LY6S: variants seen among roughly 807,000 people sequenced by gnomAD.
LY6S encodes the protein lymphocyte antigen 6 family member S.
the LY6S span, chr8:143,049,323 T>A: frequency 1.9e-6 from 1 of 533,668 alleles, no homozygotes; most frequent in Non-Finnish European, 3.9e-6. Flanking sequence ...AAAAGACATC[T>A]TTTGTTACAC....
At chr8:143,063,478 T>G in the LY6S span, among the ~76,000 whole-genome samples, 1 of 152,208 alleles carries the variant, frequency 6.6e-6, no homozygotes, top group Admixed American at 6.5e-5. Flanking sequence ...CTGCCTCCTG[T>G]GCAGAGGTTC....
the LY6S span, among the ~76,000 whole-genome samples, chr8:143,050,010 A>G: frequency 6.6e-6 from 1 of 152,144 alleles, no homozygotes; most frequent in Non-Finnish European, 1.5e-5. Flanking sequence ...TGTGGGAGAA[A>G]CACCTCGTCC....
At chr8:143,043,792 C>T in the LY6S span, among the ~76,000 whole-genome samples, 1 of 152,248 alleles carries the variant, frequency 6.6e-6, no homozygotes, top group Non-Finnish European at 1.5e-5. Context: ...TCTCCTGCCT[C>T]AGCCTCCCCA....
chr8:143,068,485 A>T, the LY6S span, among the ~76,000 whole-genome samples: 8 of 152,180 alleles, frequency 5.3e-5, 1 homozygote, highest in South Asian at 1.7e-3. Flanking sequence ...TTCTGCTATG[A>T]TTGGAAACTT....
chr8:143,053,457 G>C, the LY6S span: 1 of 152,154 alleles, frequency 6.6e-6, no homozygotes, highest in Non-Finnish European at 1.5e-5. Flanking sequence ...GGCTTTCCAT[G>C]ACTACCAAAC....
chr8:143,070,433 T>TATACATATATATA, the LY6S span, among the ~76,000 whole-genome samples: 1 of 94,882 alleles, frequency 1.1e-5, no homozygotes, highest in African/African-American at 6.5e-5. Flanking sequence ...TATATATATA[T>TATACATATATATA]TATATATATA....
At chr8:143,043,700 A>T in the LY6S span, among the ~76,000 whole-genome samples, 1 of 148,716 alleles carries the variant, frequency 6.7e-6, no homozygotes, top group Non-Finnish European at 1.5e-5. Context: ...TTTGAGATGG[A>T]GTTTTGCTCT....
chr8:143,046,153 C>T, the LY6S span, among the ~76,000 whole-genome samples: 2 of 152,154 alleles, frequency 1.3e-5, no homozygotes, highest in Non-Finnish European at 2.9e-5. Flanking sequence ...ACGCCCAGCC[C>T]AATTTACTCT....
the LY6S span, among the ~76,000 whole-genome samples, chr8:143,070,024 T>C: frequency 1.3e-5 from 2 of 152,058 alleles, no homozygotes; most frequent in Non-Finnish European, 1.5e-5. Context: ...CAGGAATGGA[T>C]TCTGTCGCTG....
the LY6S span, chr8:143,065,783 T>TTCTTTCTCTTTCTTTC: frequency 1.7e-5 from 2 of 115,264 alleles, no homozygotes; most frequent in East Asian, 5.4e-4. Context: ...CTTTCTTTCT[T>TTCTTTCTCTTTCTTTC]TTTCTTTCTT....
chr8:143,073,201 T>C, the LY6S span, among the ~76,000 whole-genome samples: 20 of 83,776 alleles, frequency 2.4e-4, no homozygotes, highest in East Asian at 6.7e-4. Context: ...TCCTCGGGGT[T>C]CCTGTTTGAG....
the LY6S span, among the ~76,000 whole-genome samples, chr8:143,070,456 A>ATATAT: frequency 3.2e-4 from 14 of 43,400 alleles, no homozygotes; most frequent in African/African-American, 1.0e-3. Context: ...GTATATATAT[A>ATATAT]TATATATAAT....
the LY6S span, among the ~76,000 whole-genome samples, chr8:143,061,652 C>T: frequency 4.6e-5 from 7 of 152,226 alleles, no homozygotes; most frequent in African/African-American, 1.7e-4. Flanking sequence ...TCAAGTAATT[C>T]TCCTGCCTCA....
At chr8:143,072,187 T>G in the LY6S span, among the ~76,000 whole-genome samples, 3 of 152,236 alleles carry the variant, frequency 2.0e-5, no homozygotes, top group African/African-American at 7.2e-5. Context: ...AAGTTCCTGT[T>G]TGAGAAGACA....
At chr8:143,063,145 A>G in the LY6S span, among the ~76,000 whole-genome samples, 1 of 152,194 alleles carries the variant, frequency 6.6e-6, no homozygotes, top group African/African-American at 2.4e-5. Context: ...GAGTATGTTT[A>G]ATAGTTGGCT....
At chr8:143,070,841 C>T in the LY6S span, among the ~76,000 whole-genome samples, 2 of 151,974 alleles carry the variant, frequency 1.3e-5, no homozygotes, top group East Asian at 1.9e-4. Context: ...CCTCCTCTAC[C>T]CTATTATTTT....
At chr8:143,047,971 T>C in the LY6S span, 2 of 152,248 alleles carry the variant, frequency 1.3e-5, no homozygotes, top group Admixed American at 6.5e-5. Flanking sequence ...TGCAATACAT[T>C]GCTCTGTGCT....
chr8:143,072,919 T>A, the LY6S span, among the ~76,000 whole-genome samples: 4 of 104,050 alleles, frequency 3.8e-5, no homozygotes, highest in East Asian at 5.4e-4. Flanking sequence ...ACAGCCGTCA[T>A]CCCCGGGGTT....
the LY6S span, among the ~76,000 whole-genome samples, chr8:143,058,465 T>C: frequency 0.053 from 8,110 of 151,906 alleles, 700 homozygotes; most frequent in African/African-American, 0.19. Flanking sequence ...AGATAGCTTA[T>C]GCCATTATTT....
Sources: allele counts gnomAD v4.1 joint callset (sites outside exome capture counted in the v4.1 genomes callset), GRCh38; gene constraint gnomAD v4.1.1; transcripts MANE v1.5; gene names NCBI Gene and HGNC (gene_info 2026-07-23, HGNC 2026-07-21).